Variants in MYPOP observed in about 807,000 individuals in gnomAD.
MYPOP encodes the protein myb-related transcription factor, partner of profilin.
Under a neutral mutation model 25.7 loss-of-function variants are expected in MYPOP, and 21 were observed. The observed-to-expected ratio is 0.82, with a 90% CI of 0.58 to 1.18. The LOEUF is 1.18. MYPOP is among the 50% of genes most tolerant of loss of function. The probability of loss-of-function intolerance (pLI) is 0.00; values close to 1 mark genes in which losing one functional copy is unlikely to be tolerated. For synonymous variants in MYPOP, 280 were observed against 247.9 expected (o/e 1.13, Z -1.22); for missense variants, 566 against 588.3 (o/e 0.96, Z 0.39).
At chr19:45,891,378 T>A (rs2146374589) in intron 2 of MYPOP, 55 bp from the exon 3 acceptor site, 1 of 1,413,430 alleles carries the variant, frequency 7.1e-7, no homozygotes, top group Non-Finnish European at 9.2e-7. Context: ...CTGCCTTGAT[T>A]TCCCCTTTCC....
At chr19:45,893,789 CTT>C (rs60440195) in intron 2 of MYPOP, among the ~76,000 whole-genome samples, 221 of 134,824 alleles carry the variant, frequency 1.6e-3, no homozygotes, top group Non-Finnish European at 2.6e-3. Context: ...TTTTATTTTA[CTT>C]TTTTTTTTTT....
chr19:45,899,106 AT>A (rs1465842587), intron 2 of MYPOP, among the ~76,000 whole-genome samples: 1 of 152,172 alleles, frequency 6.6e-6, no homozygotes, highest in Non-Finnish European at 1.5e-5. Flanking sequence ...CATGCCTGTA[AT>A]CTCGGCTACT....
At chr19:45,897,087 A>G (rs1450386317) in intron 2 of MYPOP, among the ~76,000 whole-genome samples, 7 of 145,936 alleles carry the variant, frequency 4.8e-5, no homozygotes, top group Non-Finnish European at 1.0e-4. Context: ...TTTTTGAGAT[A>G]GAGGCTCACT....
At chr19:45,897,559 G>C (rs952620245) in intron 2 of MYPOP, among the ~76,000 whole-genome samples, 2 of 152,178 alleles carry the variant, frequency 1.3e-5, no homozygotes, top group African/African-American at 4.8e-5. Context: ...GCAAGAGTTT[G>C]TTTTTGGTTG....
chr19:45,901,792 C>G lies in MYPOP; in HGVS notation c.-19G>C. 1 of 1,390,918 alleles carries G rather than the reference C, an allele frequency of 7.2e-7. No homozygotes were observed. Among genetic ancestry groups the G allele is most frequent in the Non-Finnish European group, 9.3e-7 (1 of 1,078,306 alleles). The allele number at this position is 1,390,918 out of a possible 1,614,324, so 86.2% of individuals were successfully genotyped here. A position where few individuals can be genotyped will look rare whatever the true frequency, so the allele number is the denominator to read the frequency against. ...AGGCCATGGCGCCCCCCGACGCCGC[C>G]GTCCTGCCGTCTGGCGCATGGGGGG... On this transcript the variant is annotated 5_prime_UTR_variant, in exon 2 of 3. Transcript: ENST00000322217. The surrounding 1 kb of genome is among the most constrained non-coding windows in gnomAD (Gnocchi z 5.7).
chr19:45,897,255 G>T (rs1405587353), intron 2 of MYPOP, among the ~76,000 whole-genome samples: 6 of 151,330 alleles, frequency 4.0e-5, no homozygotes, highest in African/African-American at 1.5e-4. Flanking sequence ...TAGAGACAAG[G>T]TTTCACCACA....
intron 2 of MYPOP, among the ~76,000 whole-genome samples, chr19:45,899,121 G>A (rs1219583246): frequency 1.3e-5 from 2 of 152,228 alleles, no homozygotes; most frequent in Non-Finnish European, 2.9e-5. Flanking sequence ...GGCTACTCGG[G>A]AGGATGAGGC....
At chr19:45,896,410 C>G (rs924448949) in intron 2 of MYPOP, among the ~76,000 whole-genome samples, 5 of 152,182 alleles carry the variant, frequency 3.3e-5, no homozygotes, top group African/African-American at 4.8e-5. Context: ...GTAGAGCGGA[C>G]AGTGACAGGA....
At chr19:45,899,164 T>G (rs959323083) in intron 2 of MYPOP, among the ~76,000 whole-genome samples, 2 of 152,178 alleles carry the variant, frequency 1.3e-5, no homozygotes, top group African/African-American at 4.8e-5. Flanking sequence ...AGGCGGAGGT[T>G]GCGGTGAGCC....
rs371614410 is a variant in MYPOP at position 45,893,639 on chromosome 19, G to A, written c.500-2316C>T. On this transcript the variant is annotated intron_variant, in intron 2 of 2. Coordinates refer to ENST00000322217, the MANE Select transcript of MYPOP (RefSeq NM_001012643.4). ...GATGAGTGGCTGCCGGGGGCTGGGG[G>A]AAGACAGGGAAGATGGGAGATTGGG... 1.2e-3 allele frequency among the ~76,000 whole-genome samples: 180 copies of A among 151,752 alleles called. 1 individual carries two copies. The highest frequency in any genetic ancestry group is 4.0e-3 in the African/African-American group (167 of 41,414).
chr19:45,898,205 A>T (rs1967234943), intron 2 of MYPOP, among the ~76,000 whole-genome samples: 1 of 151,960 alleles, frequency 6.6e-6, no homozygotes, highest in African/African-American at 2.4e-5. Flanking sequence ...GATTACAGGC[A>T]TGAGCCACCG....
In MYPOP at chr19:45,901,621, C is replaced by T. The variant is rs750839806; in HGVS notation, c.153G>A (p.Glu51=). The change falls in exon 2 of 3, where the codon GAG becomes GAA. Residue 51 remains glutamate (E), a synonymous_variant. Transcript: ENST00000322217. This position sits in a 1 kb window ranked among gnomAD's most constrained non-coding sequence, Gnocchi z 5.7. ...CGATGCCGTCCCACACGCGCCGCCG[C>T]TCTGCCACGCTCACCCGACGGCTCT... The part of the protein sequence containing the change: ...GAQSRRVSVA[E]RRRVWDGIAA... 2 of 1,610,520 alleles carry T rather than the reference C, an allele frequency of 1.2e-6. No individual in the cohort carries two copies. Among genetic ancestry groups the T allele is most frequent in the African/African-American group, 1.3e-5 (1 of 74,978 alleles).
intron 2 of MYPOP, among the ~76,000 whole-genome samples, chr19:45,897,705 C>A (rs1384908009): frequency 6.6e-6 from 1 of 151,480 alleles, no homozygotes; most frequent in Non-Finnish European, 1.5e-5. Flanking sequence ...AAGGCGCCGG[C>A]CACCATGCCT....
chr19:45,900,010 G>A (rs947857127), intron 2 of MYPOP, among the ~76,000 whole-genome samples: 1 of 152,172 alleles, frequency 6.6e-6, no homozygotes, highest in Non-Finnish European at 1.5e-5. Flanking sequence ...GGGGTTGGAC[G>A]CACACTTATG....
Position 45,901,819 on chromosome 19 carries a change from G to C in MYPOP, c.-46C>G, listed in dbSNP as rs961629702. The C allele has an allele frequency of 6.9e-5, 92 of 1,335,342 alleles. No homozygotes were observed. In the Middle Eastern group the frequency reaches 1.1e-3, roughly 16 times the overall value. 82.7% of individuals were successfully genotyped at this position (1,335,342 alleles called of 1,614,324 possible). A position where few individuals can be genotyped will look rare whatever the true frequency, so the allele number is the denominator to read the frequency against. On this transcript the variant is annotated 5_prime_UTR_variant, in exon 2 of 3. Transcript: ENST00000322217. The surrounding 1 kb of genome is among the most constrained non-coding windows in gnomAD (Gnocchi z 5.7). ...TCCTGCCGTCTGGCGCATGGGGGGC[G>C]CCGGCGCTGCGGGCAAAGGGCGCAC...
In MYPOP at chr19:45,897,289, C is replaced by G. The variant is rs530462746; in HGVS notation, c.499+3986G>C. On this transcript the variant is annotated intron_variant, in intron 2 of 2. Coordinates refer to ENST00000322217, the MANE Select transcript of MYPOP (RefSeq NM_001012643.4). ...CATTGGCCAGGCTGGTCTCAAACTCCTGGCCTCAAGGGATCCGTGTACCTC... is the reference window on the plus strand; with the variant it reads ...CATTGGCCAGGCTGGTCTCAAACTCGTGGCCTCAAGGGATCCGTGTACCTC... 6.2e-4 allele frequency among the ~76,000 whole-genome samples: 94 copies of G among 151,904 alleles called. 1 individual carries two copies. The highest frequency in any genetic ancestry group is 2.2e-3 in the African/African-American group (90 of 41,434).
chr19:45,891,138 G>T lies in MYPOP; in HGVS notation c.685C>A (p.Pro229Thr). The T allele has an allele frequency of 2.0e-6, 3 of 1,486,460 alleles. No individual in the cohort carries two copies. Among genetic ancestry groups the T allele is most frequent in the Non-Finnish European group, 2.7e-6 (3 of 1,117,818 alleles). 92.1% of individuals were successfully genotyped at this position (1,486,460 alleles called of 1,614,324 possible). A position where few individuals can be genotyped will look rare whatever the true frequency, so the allele number is the denominator to read the frequency against. The stretch of plus-strand genomic sequence containing the variant: ...GCCACTTGGGCCAGTGGCGGTGGGG[G>T]TGGCAGTGGAGGGGCTGGGGGTGGT... ...SPPPPAPPLPPPPPLAQVAPS... is the reference protein window; with the variant it reads ...SPPPPAPPLPTPPPLAQVAPS... The change falls in exon 3 of 3, where the codon CCC (proline) becomes ACC (threonine). Residue 229 changes from proline (P) to threonine (T), a missense_variant. Transcript: ENST00000322217.
Position 45,890,784 on chromosome 19 carries a change from C to T in MYPOP, c.1039G>A (p.Gly347Arg), listed in dbSNP as rs763581317. Residue 347 changes from glycine to arginine, a missense_variant, in exon 3 of 3, where the codon GGG becomes AGG. By Grantham distance (125) the Gly-to-Arg change is moderately radical. Coordinates refer to ENST00000322217, the MANE Select transcript of MYPOP (RefSeq NM_001012643.4). ...PVSVVAAVVD[G>R]AVVAARGVII... Reference sequence around the variant, plus strand: ...ACTCCCCTGGCTGCCACCACTGCCCCGTCCACCACAGCAGCCACCACGGAC... The same window carrying T: ...ACTCCCCTGGCTGCCACCACTGCCCTGTCCACCACAGCAGCCACCACGGAC... 1.1e-4 allele frequency: 162 copies of T among 1,510,274 alleles called. 1 individual carries two copies. The highest frequency in any genetic ancestry group is 3.9e-5 in the Non-Finnish European group (44 of 1,126,808). 93.6% of individuals were successfully genotyped at this position (1,510,274 alleles called of 1,614,324 possible).
chr19:45,901,174 G>T lies in MYPOP; in HGVS notation c.499+101C>A. 1 of 1,143,868 alleles carries T rather than the reference G, an allele frequency of 8.7e-7. No homozygotes were observed. The highest frequency in any genetic ancestry group is 1.1e-6 in the Non-Finnish European group (1 of 873,570). 70.9% of individuals were successfully genotyped at this position (1,143,868 alleles called of 1,614,324 possible). Reference sequence around the variant, plus strand: ...AGTTTCCCTAGCTATAAAATGGGGCGAAGGACAGCATCCACCTCACAGGGC... The same window carrying T: ...AGTTTCCCTAGCTATAAAATGGGGCTAAGGACAGCATCCACCTCACAGGGC... On this transcript the variant is annotated intron_variant, in intron 2 of 2. Coordinates refer to ENST00000322217, the MANE Select transcript of MYPOP (RefSeq NM_001012643.4). The surrounding 1 kb of genome is among the most constrained non-coding windows in gnomAD (Gnocchi z 5.7).
Sources: allele counts gnomAD v4.1 joint callset (sites outside exome capture counted in the v4.1 genomes callset), GRCh38; gene constraint gnomAD v4.1.1; non-coding constraint Gnocchi (gnomAD v3.1); transcripts MANE v1.5; gene names NCBI Gene and HGNC (gene_info 2026-07-23, HGNC 2026-07-21).